The following URB1 variants were observed in gnomAD, a reference collection of about 807,000 sequenced individuals.
URB1 encodes nucleolar pre-ribosomal-associated protein 1.
In URB1, 197 loss-of-function variants were observed where a neutral mutation model predicts 242.3. The ratio of observed to expected loss-of-function variants is 0.81; its 90% CI spans 0.72 to 0.91. The LOEUF is 0.91. URB1 is among the 40% of genes least tolerant of loss of function. The pLI is 0.00. For synonymous variants in URB1, 1,153 were observed against 1,201.8 expected (o/e 0.96, Z 0.84); for missense variants, 2,721 against 2,860.5 (o/e 0.95, Z 1.11).
chr21:32,344,207 A>T (rs1220568989), intron 24 of URB1, among the ~76,000 whole-genome samples: 1 of 152,234 alleles, frequency 6.6e-6, no homozygotes, highest in African/African-American at 2.4e-5. Flanking sequence ...TAAAAATAAC[A>T]CATCAAAATC....
At chr21:32,350,048 G>A (rs547979309) in intron 20 of URB1, among the ~76,000 whole-genome samples, 4 of 151,594 alleles carry the variant, frequency 2.6e-5, no homozygotes, top group Non-Finnish European at 4.4e-5. Context: ...GCTTGAACCC[G>A]GGAGGCAGAG....
intron 22 of URB1, 143 bp downstream of exon 22, chr21:32,346,813 C>T: frequency 1.6e-6 from 2 of 1,219,366 alleles, no homozygotes; most frequent in Non-Finnish European, 2.2e-6. Flanking sequence ...CACCTTTCTC[C>T]ATCTTCAGAG....
At chr21:32,377,463 C>T (rs1418503718) in intron 5 of URB1, 4 of 341,484 alleles carry the variant, frequency 1.2e-5, no homozygotes, top group South Asian at 2.2e-5. Flanking sequence ...AAATGGCCCA[C>T]GGGAATTTGA....
chr21:32,381,421 T>C (rs1347337390), intron 4 of URB1, among the ~76,000 whole-genome samples: 3 of 126,804 alleles, frequency 2.4e-5, no homozygotes, highest in Non-Finnish European at 4.6e-5. Context: ...TTAACATATA[T>C]TCATTAAAAA....
intron 22 of URB1, among the ~76,000 whole-genome samples, chr21:32,346,737 TGGG>T (rs2033089975): frequency 6.6e-6 from 1 of 152,072 alleles, no homozygotes; most frequent in Non-Finnish European, 1.5e-5. Flanking sequence ...TGGGGCACAA[TGGG>T]CTGTGCCTCA....
At chr21:32,333,538 A>G in intron 29 of URB1, 119 bp from the exon 30 acceptor site, 2 of 778,174 alleles carry the variant, frequency 2.6e-6, no homozygotes, top group East Asian at 5.4e-5. Context: ...GAATATTTGC[A>G]TACATAATGA....
chr21:32,351,451 T>C (rs1601139433), intron 19 of URB1, among the ~76,000 whole-genome samples: 1 of 152,212 alleles, frequency 6.6e-6, no homozygotes, highest in Non-Finnish European at 1.5e-5. Context: ...CTGCCTTCTT[T>C]ATTTACTCCA....
At position 32,350,912 on chromosome 21, in the gene URB1, G is replaced by A. The variant is rs773027035; in HGVS notation, c.2624C>T (p.Ala875Val). 3 of 1,545,976 alleles carry A rather than the reference G, an allele frequency of 1.9e-6. No homozygotes were observed. Among genetic ancestry groups the A allele is most frequent in the Non-Finnish European group, 2.6e-6 (3 of 1,146,432 alleles). Residue 875 changes from alanine (A) to valine (V), a missense_variant, in exon 20 of 39, where the codon GCA becomes GTA. Transcript: ENST00000382751. ...GGCAGGGGGCGAGGGGCTGCCCTGT[G>A]CCTGCAGCAGCTGAGGGAGACAGCA... Reference protein sequence around the residue: ...EQAREAWLLQAQGSPSPPALP... With the variant: ...EQAREAWLLQVQGSPSPPALP...
Position 32,362,026 on chromosome 21 carries a change from A to T in URB1, c.1510-5T>A. On this transcript the variant is annotated splice_polypyrimidine_tract_variant and splice_region_variant and intron_variant, in intron 11 of 38. Coordinates refer to ENST00000382751, the MANE Select transcript of URB1 (RefSeq NM_014825.3). ...AGTGTTCAGGTCTGGCAAAATCTAA[A>T]TGGGAAAAAGAAGCAGAACATTAGT... 1 of 1,551,242 alleles carries T rather than the reference A, an allele frequency of 6.4e-7. No homozygotes were observed.
intron 7 of URB1, among the ~76,000 whole-genome samples, 175 bp downstream of exon 7, chr21:32,373,472 A>G (rs1042310233): frequency 4.6e-5 from 7 of 152,034 alleles, no homozygotes; most frequent in African/African-American, 1.2e-4. Flanking sequence ...AAATTAGGGG[A>G]AAAAAATCCT....
At chr21:32,376,956 C>A (rs935330404) in intron 5 of URB1, among the ~76,000 whole-genome samples, 7 of 152,264 alleles carry the variant, frequency 4.6e-5, no homozygotes, top group Non-Finnish European at 1.0e-4. Flanking sequence ...GCCACGACGG[C>A]CAGCCTCCAG....
At position 32,321,927 on chromosome 21, in the gene URB1, C is replaced by G. The variant is rs1194255764; in HGVS notation, c.5358G>C (p.Lys1786Asn). 6.4e-7 allele frequency: 1 copy of G among 1,551,472 alleles called. No individual in the cohort carries two copies. Among genetic ancestry groups the G allele is most frequent in the South Asian group, 1.2e-5 (1 of 84,056 alleles). Residue 1786 changes from lysine to asparagine, a missense_variant, in exon 34 of 39, where the codon AAG becomes AAC. By Grantham distance (94) the Lys-to-Asn change is moderately conservative (BLOSUM62 0). Coordinates refer to ENST00000382751, the MANE Select transcript of URB1 (RefSeq NM_014825.3). Reference sequence around the variant, plus strand: ...CCTGCCGCAGAACGCCAAACACCCACTTCTGCTCTGTTTTTTGCTATAACC... The same window carrying G: ...CCTGCCGCAGAACGCCAAACACCCAGTTCTGCTCTGTTTTTTGCTATAACC... The part of the protein sequence containing the change: ...SSDFEQKTEQ[K>N]WVFGVLRQGI...
At position 32,373,785 on chromosome 21, in the gene URB1, TAAAACAAATTATTAA is replaced by T. The variant is rs370999885; in HGVS notation, c.751-28_751-14del. The T allele has an allele frequency of 5.3e-4, 797 of 1,501,920 alleles. 3 individuals carry two copies. The African/African-American group carries it at 0.011, about 20-fold the overall frequency. 93.0% of individuals were successfully genotyped at this position (1,501,920 alleles called of 1,614,324 possible). A position where few individuals can be genotyped will look rare whatever the true frequency, so the allele number is the denominator to read the frequency against. ...TATTGTGAACTACCTGAAACAATAA[TAAAACAAATTATTAA>T]AAAACAAATTATGAAAAAGTTCATG... On this transcript the variant is annotated splice_polypyrimidine_tract_variant and intron_variant, in intron 6 of 38. Transcript: ENST00000382751.
intron 8 of URB1, among the ~76,000 whole-genome samples, chr21:32,369,750 G>A (rs995643784): frequency 1.3e-5 from 2 of 152,116 alleles, no homozygotes; most frequent in Admixed American, 6.5e-5. Flanking sequence ...TGCCTTCCCT[G>A]TTTCTAGCTT....
chr21:32,322,556 G>C lies in URB1; in HGVS notation c.5262C>G (p.Asn1754Lys). ...PEEHMYLKVS[N>K]FLLSHEYLNM... ...TCAAGTACTCATGCGACAGCAGGAAGTTGCTGACCTTCAGGTACATGTGCT... is the reference window on the plus strand; with the variant it reads ...TCAAGTACTCATGCGACAGCAGGAACTTGCTGACCTTCAGGTACATGTGCT... The change falls in exon 33 of 39, where the codon AAC (asparagine) becomes AAG (lysine). Residue 1754 changes from asparagine (N) to lysine (K), a missense_variant. Transcript: ENST00000382751. The C allele has an allele frequency of 6.4e-7, 1 of 1,552,046 alleles. No individual in the cohort carries two copies. Among genetic ancestry groups the C allele is most frequent in the African/African-American group, 1.4e-5 (1 of 73,186 alleles).
intron 4 of URB1, among the ~76,000 whole-genome samples, chr21:32,381,387 G>A (rs2033523669): frequency 6.7e-6 from 1 of 149,078 alleles, no homozygotes; most frequent in Non-Finnish European, 1.5e-5. Context: ...TCTTCATGAC[G>A]CTTTAATAAT....
Position 32,311,697 on chromosome 21 carries a change from C to T in URB1, c.*3221G>A. The T allele has an allele frequency of 6.2e-7, 1 of 1,613,986 alleles. No homozygotes were observed. Among genetic ancestry groups the T allele is most frequent in the Non-Finnish European group, 8.5e-7 (1 of 1,179,948 alleles). On this transcript the variant is annotated 3_prime_UTR_variant, in exon 39 of 39. Coordinates refer to ENST00000382751, the MANE Select transcript of URB1 (RefSeq NM_014825.3). The stretch of plus-strand genomic sequence containing the variant: ...CTCTGTTCACAGGAACAGCCCCAAG[C>T]ACCACCAAACATGCCCCTGGAGTCA...
chr21:32,325,404 A>T lies in URB1; in HGVS notation c.4961-15T>A. On this transcript the variant is annotated splice_polypyrimidine_tract_variant and intron_variant, in intron 30 of 38. Transcript: ENST00000382751. ...CACCACAAACTCTGCAGGAAATGAA[A>T]TACAGCATGAAACACACACAATATG... 6.5e-7 allele frequency: 1 copy of T among 1,545,334 alleles called. No homozygotes were observed. Among genetic ancestry groups the T allele is most frequent in the Non-Finnish European group, 8.8e-7 (1 of 1,141,716 alleles).
chr21:32,336,436 G>A (rs2032960474), intron 28 of URB1, among the ~76,000 whole-genome samples: 1 of 152,132 alleles, frequency 6.6e-6, no homozygotes, highest in Admixed American at 6.5e-5. Context: ...ATGGCAAGGA[G>A]AAAAGAAGAC....
Sources: gnomAD v4.1 joint callset for allele counts (sites outside exome capture counted in the v4.1 genomes callset) on GRCh38, gnomAD v4.1.1 for gene constraint, MANE v1.5 for transcripts, NCBI Gene and HGNC (gene_info 2026-07-23, HGNC 2026-07-21) for gene names.